The following UBE3B variants were observed in gnomAD, a reference collection of about 807,000 sequenced individuals.
UBE3B encodes ubiquitin protein ligase E3B.
In UBE3B, 80 loss-of-function variants were observed where a neutral mutation model predicts 132.3. The observed-to-expected ratio is 0.60, with a 90% CI of 0.50 to 0.73. The LOEUF (loss-of-function observed/expected upper bound fraction) is 0.73. Among genes scored for constraint, UBE3B ranks in the 30% least tolerant of loss-of-function variants. UBE3B has a pLI of 0.00. For synonymous variants in UBE3B, 487 were observed against 520.4 expected (o/e 0.94, Z 0.87); for missense variants, 1,196 against 1,362.5 (o/e 0.88, Z 1.92).
chr12:109,508,603 G>A (rs2135975083), intron 15 of UBE3B: 2 of 985,608 alleles, frequency 2.0e-6, no homozygotes, highest in Non-Finnish European at 2.4e-6. Context: ...AGCCGGAGAG[G>A]ATCAGGGACA....
Position 109,507,742 on chromosome 12 carries a change from T to C in UBE3B, c.1622+7T>C. ...GTTCGCGGCACCTCATCACGTAGGT[T>C]GACTGCTGTGGGACTGAATTCCTTT... On this transcript the variant is annotated splice_region_variant and intron_variant, in intron 15 of 27. Coordinates refer to ENST00000342494, the MANE Select transcript of UBE3B (RefSeq NM_130466.4). The C allele has an allele frequency of 1.2e-6, 2 of 1,609,580 alleles. No individual in the cohort carries two copies. The highest frequency in any genetic ancestry group is 2.2e-5 in the South Asian group (2 of 90,518).
At chr12:109,504,843 C>T (rs1879463141) in intron 14 of UBE3B, among the ~76,000 whole-genome samples, 2 of 150,056 alleles carry the variant, frequency 1.3e-5, no homozygotes, top group Non-Finnish European at 3.0e-5. Flanking sequence ...CTCACTCTGT[C>T]GCCCAGGCTG....
At chr12:109,498,374 C>A in intron 11 of UBE3B, 21 bp downstream of exon 11, 1 of 1,610,424 alleles carries the variant, frequency 6.2e-7, no homozygotes, top group Non-Finnish European at 8.5e-7. Flanking sequence ...GTGGCTGGAA[C>A]TTGATTGTGT....
At chr12:109,488,480 C>A in intron 6 of UBE3B, 92 bp from the exon 7 acceptor site, 4 of 1,132,496 alleles carry the variant, frequency 3.5e-6, no homozygotes, top group Non-Finnish European at 5.3e-6. Flanking sequence ...TGATTCCAGG[C>A]TGAGTGCCCA....
chr12:109,547,615 A>G, the UBE3B span, among the ~76,000 whole-genome samples: 1 of 152,154 alleles, frequency 6.6e-6, no homozygotes. The surrounding 1 kb of genome is among the most constrained non-coding windows in gnomAD (Gnocchi z 4.1). Context: ...GGTAAGATTT[A>G]TTAAAATACC....
At chr12:109,479,392 T>C (rs940125926) in intron 1 of UBE3B, among the ~76,000 whole-genome samples, 3 of 152,234 alleles carry the variant, frequency 2.0e-5, no homozygotes, top group Non-Finnish European at 4.4e-5. Context: ...CATTTAATCC[T>C]TTCAGCAACC....
chr12:109,508,557 G>A, intron 15 of UBE3B: 1 of 985,494 alleles, frequency 1.0e-6, no homozygotes, highest in Non-Finnish European at 1.2e-6. Flanking sequence ...AAGATACAAT[G>A]GACCTCAGGC....
At chr12:109,494,377 T>G (rs181108217) in intron 9 of UBE3B, among the ~76,000 whole-genome samples, 28 of 152,372 alleles carry the variant, frequency 1.8e-4, no homozygotes, top group Non-Finnish European at 3.1e-4. Context: ...TTCCTCACAC[T>G]GCCGTGGCAT....
chr12:109,518,379 C>A (rs147855527), intron 19 of UBE3B, among the ~76,000 whole-genome samples: 3 of 152,318 alleles, frequency 2.0e-5, no homozygotes, highest in East Asian at 3.9e-4. Flanking sequence ...AAATTCAGAT[C>A]TTCCATGTTG....
In UBE3B at chr12:109,510,440, A is replaced by C. The variant is rs1880227710; in HGVS notation, c.1838A>C (p.Glu613Ala). 6.2e-7 allele frequency: 1 copy of C among 1,611,962 alleles called. No individual in the cohort carries two copies. The highest frequency in any genetic ancestry group is 1.1e-5 in the South Asian group (1 of 90,472). Residue 613 changes from glutamate to alanine, a missense_variant, in exon 17 of 28, where the codon GAG (glutamate) becomes GCG (alanine). Transcript: ENST00000342494. ...ERDCRRRFTP[E>A]DHWLRKDLKP... ...GACTGCCGGCGGCGCTTCACCCCCG[A>C]GGACCACTGGCTGCGAAAGTGAGCT...
downstream of UBE3B, among the ~76,000 whole-genome samples, chr12:109,540,137 T>G (rs1201924680): frequency 1.3e-5 from 2 of 152,174 alleles, no homozygotes; most frequent in African/African-American, 4.8e-5. Context: ...TTCTGCTCCT[T>G]GGCTGCCCCA....
At chr12:109,514,915 C>CTT (rs1261746552) in intron 18 of UBE3B, among the ~76,000 whole-genome samples, 3 of 143,630 alleles carry the variant, frequency 2.1e-5, no homozygotes, top group African/African-American at 2.6e-5. Context: ...CTTTCTTCTT[C>CTT]TTTTTTTTTT....
chr12:109,538,761 G>A (rs1253573792), downstream of UBE3B, among the ~76,000 whole-genome samples: 2 of 152,216 alleles, frequency 1.3e-5, no homozygotes, highest in Non-Finnish European at 2.9e-5. This position sits in a 1 kb window ranked among gnomAD's most constrained non-coding sequence, Gnocchi z 4.1. Flanking sequence ...AAGATCGGAG[G>A]AAAGTCACAT....
intron 21 of UBE3B, 92 bp from the exon 22 acceptor site, chr12:109,523,886 C>A: frequency 6.4e-7 from 1 of 1,553,040 alleles, no homozygotes; most frequent in Non-Finnish European, 8.7e-7. Context: ...CCGATGGCAC[C>A]CCTGGGCCAT....
intron 18 of UBE3B, among the ~76,000 whole-genome samples, chr12:109,514,641 A>G (rs2136013874): frequency 6.6e-6 from 1 of 152,286 alleles, no homozygotes; most frequent in African/African-American, 2.4e-5. Context: ...GTCACAAACT[A>G]CACGACTCCA....
At chr12:109,490,642 T>C (rs765671626) in intron 8 of UBE3B, 18 of 1,516,960 alleles carry the variant, frequency 1.2e-5, no homozygotes, top group African/African-American at 8.3e-5. Context: ...TAAAATAATA[T>C]GATGTCTTTA....
rs1249146814 is a variant in UBE3B at position 109,522,220 on chromosome 12, G to A, written c.2364+669G>A. On this transcript the variant is annotated intron_variant, in intron 21 of 27. Transcript: ENST00000342494. This position sits in a 1 kb window ranked among gnomAD's most constrained non-coding sequence, Gnocchi z 4.2. ...GGTGCCCAGCCAGCTGCTCACACCA[G>A]GTGGATCGGAGCAGTCATCCTCACC... Among the ~76,000 whole-genome samples the A allele has an allele frequency of 6.6e-6, 1 of 152,206 alleles. No individual in the cohort carries two copies. Among genetic ancestry groups the A allele is most frequent in the Non-Finnish European group, 1.5e-5 (1 of 68,038 alleles).
At chr12:109,518,435 C>T (rs1477055325) in intron 19 of UBE3B, among the ~76,000 whole-genome samples, 1 of 152,206 alleles carries the variant, frequency 6.6e-6, no homozygotes, top group Admixed American at 6.5e-5. Flanking sequence ...CAGATAACAC[C>T]TGTCTTTCCA....
intron 26 of UBE3B, among the ~76,000 whole-genome samples, chr12:109,533,227 G>C (rs1312582409): frequency 6.6e-6 from 1 of 152,206 alleles, no homozygotes; most frequent in Non-Finnish European, 1.5e-5. Flanking sequence ...CAAGTGGCCA[G>C]TCGCACCTAT....
Sources: gnomAD v4.1 joint callset for allele counts (sites outside exome capture counted in the v4.1 genomes callset) on GRCh38, gnomAD v4.1.1 for gene constraint, Gnocchi (gnomAD v3.1) non-coding constraint, MANE v1.5 for transcripts, NCBI Gene and HGNC (gene_info 2026-07-23, HGNC 2026-07-21) for gene names.